Variants in ZNF664 observed in about 807,000 individuals in gnomAD.
The protein encoded by ZNF664 is zinc finger Organ of Corti 1.
ZNF664 carries 10 observed loss-of-function variants against 18.2 expected under a neutral mutation model. The observed-to-expected ratio is 0.55, with a 90% CI of 0.34 to 0.93. ZNF664 has a LOEUF of 0.93. Ranked by LOEUF, ZNF664 falls within the 40% of genes least tolerant of loss-of-function variation. The pLI is 0.02. For synonymous variants in ZNF664, 119 were observed against 104.2 expected (o/e 1.14, Z -0.86); for missense variants, 193 against 319.0 (o/e 0.61, Z 3.01).
Position 123,973,350 on chromosome 12 carries a change from G to C in ZNF664, c.-894G>C. The C allele has an allele frequency of 5.1e-6, 5 of 984,594 alleles. No individual in the cohort carries two copies. The highest frequency in any genetic ancestry group is 6.0e-6 in the Non-Finnish European group (5 of 829,966). The allele number at this position is 984,594 out of a possible 1,614,324, so 61.0% of individuals were successfully genotyped here. Reference sequence around the variant, plus strand: ...CCTGGGGCGCTGACTCCCCTCACTTGGAGTGAGTTCTCGGCGGCCGGGCTG... The same window carrying C: ...CCTGGGGCGCTGACTCCCCTCACTTCGAGTGAGTTCTCGGCGGCCGGGCTG... On this transcript the variant is annotated splice_region_variant and 5_prime_UTR_variant, in exon 1 of 5. Coordinates refer to ENST00000337815, the MANE Select transcript of ZNF664 (RefSeq NM_152437.3).
intron 2 of ZNF664, among the ~76,000 whole-genome samples, chr12:123,985,119 G>A (rs889895851): frequency 1.3e-5 from 2 of 152,156 alleles, no homozygotes; most frequent in Non-Finnish European, 2.9e-5. Context: ...AGATGCTGTG[G>A]AGGAGCTCAG....
At chr12:123,997,184 G>C (rs151170001) in intron 3 of ZNF664, among the ~76,000 whole-genome samples, 222 of 152,306 alleles carry the variant, frequency 1.5e-3, no homozygotes, top group Middle Eastern at 6.8e-3. Flanking sequence ...AAAAGGGCTT[G>C]GGTGAAGTGT....
chr12:124,012,973 C>T lies in ZNF664; in HGVS notation c.*43C>T, dbSNP rs751442158. ...TTAAAATCTTAAAACCCATAAGTGC[C>T]ACTAGGAAGGAAACCCTGTATATAC... On this transcript the variant is annotated 3_prime_UTR_variant, in exon 5 of 5. Transcript: ENST00000337815. The T allele has an allele frequency of 4.4e-6, 7 of 1,588,058 alleles. No individual in the cohort carries two copies. The highest frequency in any genetic ancestry group is 6.0e-6 in the Non-Finnish European group (7 of 1,169,336).
intron 2 of ZNF664, among the ~76,000 whole-genome samples, chr12:123,979,817 A>T (rs905701188): frequency 6.6e-6 from 1 of 151,838 alleles, no homozygotes; most frequent in Non-Finnish European, 1.5e-5. Context: ...CTGGGACCAC[A>T]CACACACACA....
intron 3 of ZNF664, among the ~76,000 whole-genome samples, chr12:124,009,492 TTATTTTA>T (rs893691185): frequency 3.3e-5 from 5 of 151,794 alleles, no homozygotes; most frequent in Admixed American, 2.0e-4. Flanking sequence ...TTTTATTTAT[TTATTTTA>T]TATTTTATAT....
chr12:123,986,254 T>A lies in ZNF664; in HGVS notation c.-756-1789T>A, dbSNP rs1311711563. ...TTTGTTGCAAAGAACAGAGTTTCAT[T>A]CAGACCACTTTCTGTACAAGGGGCT... On this transcript the variant is annotated intron_variant, in intron 2 of 4. Coordinates refer to ENST00000337815, the MANE Select transcript of ZNF664 (RefSeq NM_152437.3). Among the ~76,000 whole-genome samples, 3 of 152,194 alleles carry A rather than the reference T, an allele frequency of 2.0e-5. No individual in the cohort carries two copies. In the South Asian group the frequency reaches 6.2e-4, roughly 31 times the overall value.
At chr12:124,005,483 ATGTGTGTGTGTGTG>A (rs202223166) in intron 3 of ZNF664, among the ~76,000 whole-genome samples, 26 of 142,812 alleles carry the variant, frequency 1.8e-4, no homozygotes, top group Admixed American at 7.0e-4. Flanking sequence ...AATTTATAGA[ATGTGTGTGTGTGTG>A]TGTGTGTGTG....
At chr12:124,006,362 T>A (rs1957073784) in intron 3 of ZNF664, 4 of 152,240 alleles carry the variant, frequency 2.6e-5, no homozygotes, top group Admixed American at 1.3e-4. Context: ...AGTGAGGAAC[T>A]TTTGGTCTGA....
chr12:124,009,563 A>G (rs548314587), intron 3 of ZNF664, among the ~76,000 whole-genome samples: 64 of 152,188 alleles, frequency 4.2e-4, no homozygotes, highest in African/African-American at 1.3e-3. Context: ...CAGTGGTGCA[A>G]TCTTGGCTCA....
chr12:123,996,375 G>C (rs1414317865), intron 3 of ZNF664, among the ~76,000 whole-genome samples: 1 of 152,138 alleles, frequency 6.6e-6, no homozygotes, highest in African/African-American at 2.4e-5. Flanking sequence ...CTTCAAGTGG[G>C]CTGAGTGTGA....
intron 3 of ZNF664, chr12:123,998,818 A>C (rs1956979337): frequency 6.6e-6 from 1 of 152,558 alleles, no homozygotes; most frequent in Non-Finnish European, 1.5e-5. Context: ...TAAATGTGGA[A>C]TATGTGCCTG....
chr12:124,011,547 A>C lies in ZNF664; in HGVS notation c.-598A>C. ...TATTTATTTATGTTTCTATTACAGG[A>C]GACGGCATGATACCCATGTAGGGAA... On this transcript the variant is annotated splice_region_variant and 5_prime_UTR_variant, in exon 5 of 5. Coordinates refer to ENST00000337815, the MANE Select transcript of ZNF664 (RefSeq NM_152437.3). 1.0e-6 allele frequency: 1 copy of C among 985,242 alleles called. No homozygotes were observed. Among genetic ancestry groups the C allele is most frequent in the Non-Finnish European group, 1.2e-6 (1 of 829,702 alleles). The allele number at this position is 985,242 out of a possible 1,614,324, so 61.0% of individuals were successfully genotyped here.
chr12:123,978,635 C>G (rs1411003325), intron 2 of ZNF664, among the ~76,000 whole-genome samples: 1 of 152,108 alleles, frequency 6.6e-6, no homozygotes, highest in East Asian at 1.9e-4. Context: ...AGTGGGAATT[C>G]TTCTGGACAC....
chr12:123,985,108 T>C (rs1431881403), intron 2 of ZNF664, among the ~76,000 whole-genome samples: 5 of 151,888 alleles, frequency 3.3e-5, no homozygotes, highest in Non-Finnish European at 7.4e-5. Flanking sequence ...GAAGGTATTA[T>C]AGATGCTGTG....
Position 123,982,356 on chromosome 12 carries a change from G to A in ZNF664, c.-756-5687G>A, listed in dbSNP as rs140523011. On this transcript the variant is annotated intron_variant, in intron 2 of 4. Coordinates refer to ENST00000337815, the MANE Select transcript of ZNF664 (RefSeq NM_152437.3). ...GGGCCCAGTCGCTGGGAAGTTGGTG[G>A]CAGTCAGTGTGGCTGTGCTCTTTGC... Among the ~76,000 whole-genome samples, 623 of 152,296 alleles carry A rather than the reference G, an allele frequency of 4.1e-3. 5 individuals carry two copies. The highest frequency in any genetic ancestry group is 5.0e-3 in the Non-Finnish European group (340 of 67,996).
At chr12:123,997,088 CTCT>C (rs1405991729) in intron 3 of ZNF664, among the ~76,000 whole-genome samples, 1 of 152,136 alleles carries the variant, frequency 6.6e-6, no homozygotes. Context: ...GAAATGTAAT[CTCT>C]TAAGTAAAAA....
chr12:123,995,107 A>C (rs1956932523), intron 3 of ZNF664, among the ~76,000 whole-genome samples: 1 of 152,212 alleles, frequency 6.6e-6, no homozygotes, highest in South Asian at 2.1e-4. Context: ...GTGCTCAGAC[A>C]GTTGAGAGCA....
Position 124,011,414 on chromosome 12 carries a change from TAAG to T in ZNF664, c.-625_-623del. On this transcript the variant is annotated 5_prime_UTR_variant, in exon 4 of 5. Transcript: ENST00000337815. ...ATCCAAGAGACACATCTTTGGAAGA[TAAG>T]AGAGCTTCTTCAAGACCAAAAAAGG... The T allele has an allele frequency of 7.9e-6, 8 of 1,012,586 alleles. No homozygotes were observed. Among genetic ancestry groups the T allele is most frequent in the Non-Finnish European group, 8.2e-6 (7 of 850,960 alleles). 62.7% of individuals were successfully genotyped at this position (1,012,586 alleles called of 1,614,324 possible). A position where few individuals can be genotyped will look rare whatever the true frequency, so the allele number is the denominator to read the frequency against.
chr12:123,977,246 A>G (rs953171952), intron 2 of ZNF664, among the ~76,000 whole-genome samples: 1 of 152,218 alleles, frequency 6.6e-6, no homozygotes, highest in African/African-American at 2.4e-5. Flanking sequence ...GACATTATTT[A>G]ACAAGGTTTG....
Sources: allele counts gnomAD v4.1 joint callset (sites outside exome capture counted in the v4.1 genomes callset), GRCh38; gene constraint gnomAD v4.1.1; transcripts MANE v1.5; gene names NCBI Gene and HGNC (gene_info 2026-07-23, HGNC 2026-07-21).